The following GPR83 variants were observed in gnomAD, a reference collection of about 807,000 sequenced individuals.
GPR83 encodes the protein G-protein coupled receptor 72.
A neutral mutation model predicts 28.0 loss-of-function variants in GPR83; 23 were observed. The observed-to-expected ratio is 0.82, with a 90% confidence interval of 0.59 to 1.16. GPR83 has a LOEUF of 1.16. Among genes scored for constraint, GPR83 ranks in the 50% most tolerant of loss-of-function variants. GPR83 has a pLI of 0.00. For missense variants in GPR83, 610 were observed against 536.6 expected (o/e 1.14, Z -1.35); for synonymous variants, 234 against 215.4 (o/e 1.09, Z -0.76).
At chr11:94,385,977 C>A (rs553894018) in intron 3 of GPR83, among the ~76,000 whole-genome samples, 45 of 152,202 alleles carry the variant, frequency 3.0e-4, no homozygotes, top group South Asian at 6.2e-4. Flanking sequence ...AAAGGGAAGC[C>A]CATCAGACTA....
chr11:94,398,252 T>C (rs10831222), intron 1 of GPR83, among the ~76,000 whole-genome samples: 104,468 of 151,966 alleles, frequency 0.69, 36,094 homozygotes, highest in South Asian at 0.77. Context: ...CACCCTCCTG[T>C]TTGGAATCAT....
At chr11:94,396,331 C>G (rs770220940) in intron 2 of GPR83, 68 bp downstream of exon 2, 19 of 1,503,628 alleles carry the variant, frequency 1.3e-5, no homozygotes, top group Non-Finnish European at 1.7e-5. Context: ...GTCTTCAGAG[C>G]CCCTGCAACT....
intron 1 of GPR83, 87 bp from the exon 2 acceptor site, chr11:94,396,611 G>C: frequency 7.4e-7 from 1 of 1,353,104 alleles, no homozygotes; most frequent in South Asian, 1.3e-5. Flanking sequence ...CATGCCCTTA[G>C]GGGGATTCCT....
At chr11:94,387,531 C>G (rs1229140393) in intron 3 of GPR83, among the ~76,000 whole-genome samples, 4 of 152,178 alleles carry the variant, frequency 2.6e-5, no homozygotes, top group Non-Finnish European at 5.9e-5. Context: ...AAACTACCAT[C>G]AGAGAATACT....
At chr11:94,397,290 A>G (rs1419755496) in intron 1 of GPR83, among the ~76,000 whole-genome samples, 1 of 152,228 alleles carries the variant, frequency 6.6e-6, no homozygotes, top group Non-Finnish European at 1.5e-5. Context: ...GTACTTGAGC[A>G]GCTCCTGTGA....
chr11:94,394,624 C>T (rs767152257), intron 2 of GPR83, among the ~76,000 whole-genome samples: 4 of 152,084 alleles, frequency 2.6e-5, no homozygotes, highest in South Asian at 2.1e-4. Flanking sequence ...GGCTGTGTCT[C>T]GAGCTTTTTT....
At chr11:94,385,517 CT>C (rs1412451353) in intron 3 of GPR83, among the ~76,000 whole-genome samples, 133 of 152,290 alleles carry the variant, frequency 8.7e-4, no homozygotes, top group African/African-American at 3.1e-3. Flanking sequence ...CCTGATGGAG[CT>C]GAAAACCATG....
At chr11:94,388,963 T>C (rs2134689607) in intron 3 of GPR83, among the ~76,000 whole-genome samples, 1 of 152,302 alleles carries the variant, frequency 6.6e-6, no homozygotes, top group South Asian at 2.1e-4. Flanking sequence ...ATGGTACTGG[T>C]ACCAAAACAG....
intron 1 of GPR83, among the ~76,000 whole-genome samples, chr11:94,400,250 C>G (rs1363529137): frequency 1.3e-5 from 2 of 152,136 alleles, no homozygotes; most frequent in Non-Finnish European, 2.9e-5. Context: ...AATTATCAAG[C>G]AAGCCCAGAC....
intron 3 of GPR83, among the ~76,000 whole-genome samples, chr11:94,386,688 A>G (rs1311542848): frequency 6.6e-6 from 1 of 152,188 alleles, no homozygotes; most frequent in Non-Finnish European, 1.5e-5. Flanking sequence ...AAGTCCTTAG[A>G]GACCTACAAA....
At chr11:94,381,581 G>A (rs1172042020) in intron 3 of GPR83, among the ~76,000 whole-genome samples, 6 of 106,540 alleles carry the variant, frequency 5.6e-5, no homozygotes, top group South Asian at 3.0e-4. Context: ...GTGTGTGTGC[G>A]CGCGTGCTGC....
chr11:94,396,313 A>C (rs1944865814), intron 2 of GPR83, 86 bp downstream of exon 2: 1 of 1,334,316 alleles, frequency 7.5e-7, no homozygotes, highest in Non-Finnish European at 1.1e-6. Flanking sequence ...AAACTGGGCT[A>C]AAACACTGTC....
Position 94,385,304 on chromosome 11 carries a change from A to G in GPR83, c.648-4531T>C, listed in dbSNP as rs189021360. The stretch of plus-strand genomic sequence containing the variant: ...AAATCAGAGCACCTCTCCTCCTCCA[A>G]AGGAACATAGCTCCTCACCAGCAAT... On this transcript the variant is annotated intron_variant, in intron 3 of 3. Transcript: ENST00000243673. 1.1e-4 allele frequency among the ~76,000 whole-genome samples: 16 copies of G among 152,306 alleles called. 1 individual carries two copies. In the East Asian group the frequency reaches 1.9e-3, roughly 18 times the overall value.
chr11:94,381,591 C>T (rs1384550670), intron 3 of GPR83, among the ~76,000 whole-genome samples: 1 of 83,632 alleles, frequency 1.2e-5, no homozygotes, highest in Non-Finnish European at 2.7e-5. Context: ...GCGCGTGCTG[C>T]AGGTGGGGTG....
In GPR83 at chr11:94,391,619, T is replaced by G. The variant is rs538506438; in HGVS notation, c.647+1866A>C. 3.3e-5 allele frequency among the ~76,000 whole-genome samples: 5 copies of G among 152,060 alleles called. No homozygotes were observed. In the South Asian group the frequency reaches 1.0e-3, roughly 32 times the overall value. On this transcript the variant is annotated intron_variant, in intron 3 of 3. Transcript: ENST00000243673. ...GGATCTACAAAGAACTTAAACAAAT[T>G]TACAAGAAAACAAACAAACAACCCC...
rs368324551 is a variant in GPR83, at chr11:94,401,218, G to A, written c.30C>T (p.Leu10=). ...GCTCGGTGGCTCGCACCAAGGGGAG[G>A]AGACAGAGCAGCAAGAGGTGAGGGA... MVPHLLLLC[L]LPLVRATEPH... is the part of the protein sequence containing the mutation. The change falls in exon 1 of 4, where the codon CTC becomes CTT. Residue 10 remains leucine (L), a synonymous_variant. Coordinates refer to ENST00000243673, the MANE Select transcript of GPR83 (RefSeq NM_016540.4). 4.3e-6 allele frequency: 7 copies of A among 1,611,496 alleles called. No individual in the cohort carries two copies. The African/African-American group carries it at 8.0e-5, about 18-fold the overall frequency.
chr11:94,399,624 G>C (rs1332457765), intron 1 of GPR83, among the ~76,000 whole-genome samples: 1 of 152,218 alleles, frequency 6.6e-6, no homozygotes, highest in Non-Finnish European at 1.5e-5. Context: ...GTTCACACAG[G>C]TGATGGACTT....
Position 94,384,933 on chromosome 11 carries a change from T to C in GPR83, c.648-4160A>G, listed in dbSNP as rs558017201. On this transcript the variant is annotated intron_variant, in intron 3 of 3. Coordinates refer to ENST00000243673, the MANE Select transcript of GPR83 (RefSeq NM_016540.4). ...GTCCTTGACCCCCGAGTAGTCTACCTGGGAGGCAACCCCCAGGAGGGGCAG... is the reference window on the plus strand; with the variant it reads ...GTCCTTGACCCCCGAGTAGTCTACCCGGGAGGCAACCCCCAGGAGGGGCAG... Among the ~76,000 whole-genome samples, 3 of 152,300 alleles carry C rather than the reference T, an allele frequency of 2.0e-5. No individual in the cohort carries two copies. The South Asian group carries it at 6.2e-4, about 32-fold the overall frequency.
chr11:94,396,329 A>G (rs1944865901), intron 2 of GPR83, 70 bp downstream of exon 2: 3 of 1,490,118 alleles, frequency 2.0e-6, no homozygotes, highest in Non-Finnish European at 2.8e-6. Flanking sequence ...CTGTCTTCAG[A>G]GCCCCTGCAA....
Sources: gnomAD v4.1 joint callset for allele counts (sites outside exome capture counted in the v4.1 genomes callset) on GRCh38, gnomAD v4.1.1 for gene constraint, MANE v1.5 for transcripts, NCBI Gene and HGNC (gene_info 2026-07-23, HGNC 2026-07-21) for gene names.